The following PCSK1N variants were observed in gnomAD, a reference collection of about 807,000 sequenced individuals.
PCSK1N encodes the protein proSAAS.
In PCSK1N, 8 loss-of-function variants were observed where a neutral mutation model predicts 10.6. The ratio of observed to expected loss-of-function variants is 0.76; its 90% confidence interval spans 0.44 to 1.37. The LOEUF (loss-of-function observed/expected upper bound fraction) is 1.37. Ranked by LOEUF, PCSK1N falls within the 40% of genes most tolerant of loss-of-function variation. The pLI, the probability that PCSK1N is intolerant of heterozygous loss-of-function variation, is 0.00. For synonymous variants in PCSK1N, 143 were observed against 137.1 expected (o/e 1.04, Z -0.30); for missense variants, 301 against 268.5 (o/e 1.12, Z -0.84).
intron 1 of PCSK1N, among the ~76,000 whole-genome samples, chrX:48,834,191 G>A (rs1324179628): frequency 4.5e-5 from 5 of 111,929 alleles, no homozygotes; most frequent in Non-Finnish European, 9.4e-5. Context: ...CTAACTCTTG[G>A]TCAGGCTCTA....
chrX:48,832,820 A>G (rs1309059309), intron 1 of PCSK1N, among the ~76,000 whole-genome samples: 1 of 111,108 alleles, frequency 9.0e-6, no homozygotes, highest in Non-Finnish European at 1.9e-5. Context: ...CAATTTCCAC[A>G]AGTTTAAAGA....
rs1157834036 is a variant in PCSK1N, at chrX:48,831,248, T to C, written c.*12A>G. 9 of 1,160,006 alleles carry C rather than the reference T, an allele frequency of 7.8e-6. No individual in the cohort carries two copies. Among genetic ancestry groups the C allele is most frequent in the Non-Finnish European group, 1.0e-5 (9 of 868,471 alleles). Reference sequence around the variant, plus strand: ...CTTCTGGGTCCCAGGGTGCACGGGATCCGGGCAGTGCTCAGGGTGGCAAGA... The same window carrying C: ...CTTCTGGGTCCCAGGGTGCACGGGACCCGGGCAGTGCTCAGGGTGGCAAGA... On this transcript the variant is annotated 3_prime_UTR_variant, in exon 3 of 3. Transcript: ENST00000218230.
rs782314874 is a variant in PCSK1N at position 48,834,834 on chromosome X, CAG to C, written c.114+583_114+584del. ...ACACACACACACAGAGAGAGAGAGA[CAG>C]AGAGAGAGAGAGAGAGACACGCCCA... is the stretch of plus-strand genomic sequence containing the variant. On this transcript the variant is annotated intron_variant, in intron 1 of 2. Transcript: ENST00000218230. The C allele has an allele frequency of 9.0e-3, 921 of 101,952 alleles. 5 individuals are homozygous for C. The highest frequency in any genetic ancestry group is 0.015 in the Middle Eastern group (3 of 196). The allele number at this position is 101,952 out of a possible 1,213,427, so 8.4% of individuals were successfully genotyped here.
At chrX:48,833,483 C>A (rs1246724860) in intron 1 of PCSK1N, among the ~76,000 whole-genome samples, 2 of 112,426 alleles carry the variant, frequency 1.8e-5, no homozygotes, top group Non-Finnish European at 3.8e-5. Flanking sequence ...TGACCCAAAT[C>A]AAAAAGTCTG....
chrX:48,831,452 G>A lies in PCSK1N; in HGVS notation c.591C>T (p.Tyr197=). The A allele has an allele frequency of 1.9e-6, 2 of 1,070,886 alleles. No homozygotes were observed. Among genetic ancestry groups the A allele is most frequent in the Non-Finnish European group, 2.4e-6 (2 of 832,468 alleles). 88.3% of individuals were successfully genotyped at this position (1,070,886 alleles called of 1,213,427 possible). Reference sequence around the variant, plus strand: ...TTCCCGCAAGAATCCGTCCCAGCAAGTACCTGCAGGGCCGAGCGCAAAGCA... The same window carrying A: ...TTCCCGCAAGAATCCGTCCCAGCAAATACCTGCAGGGCCGAGCGCAAAGCA... ...TPDVDPELLR[Y]LLGRILAGSA... Residue 197 remains tyrosine, a synonymous_variant, in exon 3 of 3, where the codon TAC becomes TAT. Transcript: ENST00000218230.
chrX:48,831,255 A>G lies in PCSK1N; in HGVS notation c.*5T>C, dbSNP rs1602291266. The G allele has an allele frequency of 8.5e-7, 1 of 1,173,344 alleles. No individual in the cohort carries two copies. Among genetic ancestry groups the G allele is most frequent in the Non-Finnish European group, 1.1e-6 (1 of 876,311 alleles). Reference sequence around the variant, plus strand: ...GTCCCAGGGTGCACGGGATCCGGGCAGTGCTCAGGGTGGCAAGAGGCGGCG... The same window carrying G: ...GTCCCAGGGTGCACGGGATCCGGGCGGTGCTCAGGGTGGCAAGAGGCGGCG... On this transcript the variant is annotated 3_prime_UTR_variant, in exon 3 of 3. Transcript: ENST00000218230.
Position 48,831,936 on chromosome X carries a change from C to G in PCSK1N, c.520G>C (p.Gly174Arg), listed in dbSNP as rs1557033468. The G allele has an allele frequency of 9.3e-7, 1 of 1,077,956 alleles. No individual in the cohort carries two copies. 88.8% of individuals were successfully genotyped at this position (1,077,956 alleles called of 1,213,427 possible). A position where few individuals can be genotyped will look rare whatever the true frequency, so the allele number is the denominator to read the frequency against. Residue 174 changes from glycine to arginine, a missense_variant, in exon 2 of 3, where the codon GGC (glycine) becomes CGC (arginine). Physicochemically the swap from Gly to Arg is moderately radical, Grantham distance 125. Coordinates refer to ENST00000218230, the MANE Select transcript of PCSK1N (RefSeq NM_013271.5). Reference protein sequence around the residue: ...LRPRPPVYDDGPAGPDAEEAG... With the variant: ...LRPRPPVYDDRPAGPDAEEAG... ...TCCTCAGCATCCGGGCCCGCGGGGC[C>G]GTCGTCGTAGACCGGGGGCCGGGGT...
intron 1 of PCSK1N, 31 bp from the exon 2 acceptor site, chrX:48,832,372 T>G (rs1331309426): frequency 1.9e-6 from 2 of 1,058,844 alleles, no homozygotes; most frequent in African/African-American, 3.9e-5. Context: ...GGAAAAGAGT[T>G]TGTCAGCGTC....
chrX:48,835,375 G>T, intron 1 of PCSK1N, 44 bp downstream of exon 1: 1 of 589,751 alleles, frequency 1.7e-6, no homozygotes, highest in Non-Finnish European at 2.3e-6. Flanking sequence ...CTCGCCGGTG[G>T]CATCCTCCCC....
At chrX:48,835,282 C>T (rs973784972) in intron 1 of PCSK1N, 137 bp downstream of exon 1, 36 of 304,109 alleles carry the variant, frequency 1.2e-4, no homozygotes, top group Non-Finnish European at 1.7e-4. Context: ...GCGGCCGGAG[C>T]CCGGGCCACC....
In PCSK1N at chrX:48,831,129, G is replaced by A. The variant is rs781984928; in HGVS notation, c.*131C>T. The A allele has an allele frequency of 7.8e-6, 4 of 510,595 alleles. No homozygotes were observed. Among genetic ancestry groups the A allele is most frequent in the Admixed American group, 4.3e-5 (1 of 23,280 alleles). The allele number at this position is 510,595 out of a possible 1,213,427, so 42.1% of individuals were successfully genotyped here. On this transcript the variant is annotated 3_prime_UTR_variant, in exon 3 of 3. Transcript: ENST00000218230. ...ATCATGTTTATTGTGGGGCCAGGGG[G>A]TAGGGATCCTCGGGTGAGAGGGCTG... is the stretch of plus-strand genomic sequence containing the variant.
In PCSK1N at chrX:48,832,113, C is replaced by T; in HGVS notation, c.343G>A (p.Ala115Thr). The T allele has an allele frequency of 4.5e-6, 5 of 1,120,988 alleles. No homozygotes were observed. Among genetic ancestry groups the T allele is most frequent in the Non-Finnish European group, 5.8e-6 (5 of 858,710 alleles). 92.4% of individuals were successfully genotyped at this position (1,120,988 alleles called of 1,213,427 possible). A position where few individuals can be genotyped will look rare whatever the true frequency, so the allele number is the denominator to read the frequency against. ...AGAGCCGGATCAGAGTTGCGGGGGG[C>T]GCCCCAGACGCGCAGCAGCTGCGCC... ...VLAQLLRVWG[A>T]PRNSDPALGL... is the part of the protein sequence containing the mutation. The change falls in exon 2 of 3, where the codon GCC becomes ACC. Residue 115 changes from alanine (A) to threonine (T), a missense_variant. Ala to Thr is a moderately conservative substitution (Grantham distance 58, BLOSUM62 0). Coordinates refer to ENST00000218230, the MANE Select transcript of PCSK1N (RefSeq NM_013271.5).
chrX:48,832,115 C>T lies in PCSK1N; in HGVS notation c.341G>A (p.Gly114Asp). Residue 114 changes from glycine (G) to aspartate (D), a missense_variant, in exon 2 of 3, where the codon GGC becomes GAC. Physicochemically the swap from Gly to Asp is moderately conservative, Grantham distance 94. Coordinates refer to ENST00000218230, the MANE Select transcript of PCSK1N (RefSeq NM_013271.5). ...RVLAQLLRVW[G>D]APRNSDPALG... is the part of the protein sequence containing the mutation. ...AGCCGGATCAGAGTTGCGGGGGGCG[C>T]CCCAGACGCGCAGCAGCTGCGCCAG... 5 of 1,125,315 alleles carry T rather than the reference C, an allele frequency of 4.4e-6. No individual in the cohort carries two copies. Among genetic ancestry groups the T allele is most frequent in the Non-Finnish European group, 3.5e-6 (3 of 860,661 alleles). The allele number at this position is 1,125,315 out of a possible 1,213,427, so 92.7% of individuals were successfully genotyped here.
Position 48,831,316 on chromosome X carries a change from T to G in PCSK1N, c.727A>C (p.Lys243Gln), listed in dbSNP as rs782374258. Residue 243 changes from lysine (K) to glutamine (Q), a missense_variant, in exon 3 of 3, where the codon AAA becomes CAA. Lys to Gln is a moderately conservative substitution (Grantham distance 53, BLOSUM62 1). Coordinates refer to ENST00000218230, the MANE Select transcript of PCSK1N (RefSeq NM_013271.5). The stretch of plus-strand genomic sequence containing the variant: ...TGGGGCGCCGGGGTCTCTAGGCGTT[T>G]CACACGCAGCAGCGCCCCCAGCACG... The part of the protein sequence containing the change: ...EGVLGALLRV[K>Q]RLETPAPQVP... 8.5e-7 allele frequency: 1 copy of G among 1,176,628 alleles called. No homozygotes were observed. Among genetic ancestry groups the G allele is most frequent in the Non-Finnish European group, 1.1e-6 (1 of 879,711 alleles).
At chrX:48,832,398 C>CCCCTT (rs1238281792) in intron 1 of PCSK1N, 57 bp from the exon 2 acceptor site, 1 of 971,660 alleles carries the variant, frequency 1.0e-6, no homozygotes, top group African/African-American at 2.1e-5. Flanking sequence ...AGACAGGGAC[C>CCCCTT]CCCAGCCCGG....
At chrX:48,833,987 C>T (rs2063180091) in intron 1 of PCSK1N, among the ~76,000 whole-genome samples, 1 of 111,549 alleles carries the variant, frequency 9.0e-6, no homozygotes, top group Non-Finnish European at 1.9e-5. Flanking sequence ...CTAGTGACTA[C>T]GAGGAACCAG....
intron 2 of PCSK1N, 85 bp downstream of exon 2, chrX:48,831,784 C>A (rs1443917246): frequency 1.3e-6 from 1 of 785,199 alleles, no homozygotes; most frequent in African/African-American, 2.2e-5. Flanking sequence ...GTTCGCACTC[C>A]ACGGGGTAAG....
At chrX:48,832,819 C>T (rs781861459) in intron 1 of PCSK1N, among the ~76,000 whole-genome samples, 13 of 110,279 alleles carry the variant, frequency 1.2e-4, no homozygotes, top group Non-Finnish European at 2.3e-4. Context: ...ACAATTTCCA[C>T]AAGTTTAAAG....
Position 48,835,452 on chromosome X carries a change from C to T in PCSK1N, c.81G>A (p.Arg27=). ...LLVLLLLGLF[R]PPPALCARPV... is the part of the protein sequence containing the mutation. ...GCCGCGCGCAGAGCGCGGGGGGCGG[C>T]CGAAACAGGCCGAGCAGCAGCAGCA... Residue 27 remains arginine (R), a synonymous_variant, in exon 1 of 3, where the codon CGG becomes CGA. Coordinates refer to ENST00000218230, the MANE Select transcript of PCSK1N (RefSeq NM_013271.5). The T allele has an allele frequency of 1.0e-6, 1 of 962,830 alleles. No individual in the cohort carries two copies. The highest frequency in any genetic ancestry group is 1.3e-6 in the Non-Finnish European group (1 of 767,620). 79.3% of individuals were successfully genotyped at this position (962,830 alleles called of 1,213,427 possible).
Sources: gnomAD v4.1 joint callset for allele counts (sites outside exome capture counted in the v4.1 genomes callset) on GRCh38, gnomAD v4.1.1 for gene constraint, MANE v1.5 for transcripts, NCBI Gene and HGNC (gene_info 2026-07-23, HGNC 2026-07-21) for gene names.